Variants in PAICS observed in about 807,000 individuals in gnomAD.
PAICS encodes the protein phosphoribosylaminoimidazole carboxylase and phosphoribosylaminoimidazolesuccinocarboxamide synthase.
A neutral mutation model predicts 53.7 loss-of-function variants in PAICS; 33 were observed. That is an observed-to-expected ratio of 0.61 (90% CI 0.47 to 0.82). The LOEUF is 0.82. Among genes scored for constraint, PAICS ranks in the 40% least tolerant of loss-of-function variants. The probability of loss-of-function intolerance (pLI) is 0.00; values close to 1 mark genes in which losing one functional copy is unlikely to be tolerated. For synonymous variants in PAICS, 141 were observed against 167.2 expected, an observed-to-expected ratio of 0.84 and a Z score of 1.21; for missense variants, 394 against 494.1, an observed-to-expected ratio of 0.80 and a Z score of 1.92.
Position 56,453,810 on chromosome 4 carries a change from G to A in PAICS, c.1111+49G>A, listed in dbSNP as rs147699486. 2.3e-6 allele frequency: 3 copies of A among 1,313,448 alleles called. No individual in the cohort carries two copies. In the African/African-American group the frequency reaches 4.4e-5, roughly 19 times the overall value. The allele number at this position is 1,313,448 out of a possible 1,614,324, so 81.4% of individuals were successfully genotyped here. On this transcript the variant is annotated intron_variant, in intron 8 of 8. Coordinates refer to ENST00000512576, the MANE Select transcript of PAICS (RefSeq NM_001079524.2). Reference sequence around the variant, plus strand: ...AACTGTTCATTACAAGCATTTAACAGATGCACAACAGTAGACAGAATAGCA... The same window carrying A: ...AACTGTTCATTACAAGCATTTAACAAATGCACAACAGTAGACAGAATAGCA...
At position 56,448,610 on chromosome 4, in the gene PAICS, C is replaced by T. The variant is rs1718741959; in HGVS notation, c.573+13C>T. The T allele has an allele frequency of 6.5e-7, 1 of 1,548,530 alleles. No homozygotes were observed. The highest frequency in any genetic ancestry group is 1.8e-5 in the Admixed American group (1 of 54,814). ...GGTTGATATGAAGGTACAGATAAAA[C>T]AAGTACAGATAAAACAACAGGATTT... On this transcript the variant is annotated intron_variant, in intron 4 of 8. Coordinates refer to ENST00000512576, the MANE Select transcript of PAICS (RefSeq NM_001079524.2).
In PAICS at chr4:56,459,584, A is replaced by G. The variant is rs1363913392; in HGVS notation, c.*46A>G. The G allele has an allele frequency of 7.2e-7, 1 of 1,382,258 alleles. No homozygotes were observed. Among genetic ancestry groups the G allele is most frequent in the South Asian group, 1.4e-5 (1 of 72,224 alleles). The allele number at this position is 1,382,258 out of a possible 1,614,324, so 85.6% of individuals were successfully genotyped here. A position where few individuals can be genotyped will look rare whatever the true frequency, so the allele number is the denominator to read the frequency against. On this transcript the variant is annotated 3_prime_UTR_variant, in exon 9 of 9. Coordinates refer to ENST00000512576, the MANE Select transcript of PAICS (RefSeq NM_001079524.2). ...TTTAGGGGAAAAACTACAAATTTCT[A>G]ATTTAGCTGAAGGAAAATCAAGCAA...
chr4:56,440,162 C>A (rs1038536103), intron 1 of PAICS, among the ~76,000 whole-genome samples: 8 of 152,126 alleles, frequency 5.3e-5, no homozygotes, highest in African/African-American at 1.9e-4. Flanking sequence ...GGGAAGTTTT[C>A]CAGGCCTAGG....
intron 5 of PAICS, among the ~76,000 whole-genome samples, chr4:56,450,379 A>T (rs1029699489): frequency 2.0e-5 from 3 of 152,224 alleles, no homozygotes; most frequent in African/African-American, 7.2e-5. Flanking sequence ...CTTAATATAT[A>T]AAAATTCTCA....
rs745482355 is a variant in PAICS at position 56,453,583 on chromosome 4, T to A, written c.953-20T>A. On this transcript the variant is annotated intron_variant, in intron 7 of 8. Transcript: ENST00000512576. Reference sequence around the variant, plus strand: ...CTGTTTTGAATGTTTAGCATAATTATACTCTTGTCATTTCCCTAGGGGATG... The same window carrying A: ...CTGTTTTGAATGTTTAGCATAATTAAACTCTTGTCATTTCCCTAGGGGATG... 1.2e-5 allele frequency: 18 copies of A among 1,542,948 alleles called. No individual in the cohort carries two copies. The Admixed American group carries it at 3.3e-4, about 28-fold the overall frequency.
intron 1 of PAICS, among the ~76,000 whole-genome samples, chr4:56,437,650 G>A (rs1718086227): frequency 2.0e-5 from 3 of 151,472 alleles, no homozygotes; most frequent in African/African-American, 7.3e-5. Flanking sequence ...GTGAAACCCC[G>A]GCTCTACTAA....
At chr4:56,447,012 T>C in intron 3 of PAICS, 139 bp downstream of exon 3, 2 of 462,294 alleles carry the variant, frequency 4.3e-6, no homozygotes, top group Non-Finnish European at 7.5e-6. Flanking sequence ...ATTTGTCTTA[T>C]CTAGTTGCCA....
intron 1 of PAICS, among the ~76,000 whole-genome samples, chr4:56,441,441 T>A (rs1718333126): frequency 6.6e-6 from 1 of 152,188 alleles, no homozygotes; most frequent in Admixed American, 6.5e-5. Flanking sequence ...TTTACTAATT[T>A]CTACAATTAT....
chr4:56,436,368 C>CA lies in PAICS; in HGVS notation c.16+40_16+41insA, dbSNP rs777277118. ...TCCGGGCCCTTCACGGTCTCCCTGA[C>CA]CCCCAGGCCGTGAGCTCGCGGCCAC... is the stretch of plus-strand genomic sequence containing the variant. On this transcript the variant is annotated intron_variant, in intron 1 of 8. Coordinates refer to ENST00000512576, the MANE Select transcript of PAICS (RefSeq NM_001079524.2). The CA allele has an allele frequency of 8.3e-6, 12 of 1,453,162 alleles. No homozygotes were observed. In the African/African-American group the frequency reaches 1.7e-4, roughly 21 times the overall value. 90.0% of individuals were successfully genotyped at this position (1,453,162 alleles called of 1,614,324 possible).
chr4:56,434,080 C>G (rs905348474), upstream of PAICS, among the ~76,000 whole-genome samples: 1 of 152,114 alleles, frequency 6.6e-6, no homozygotes, highest in African/African-American at 2.4e-5. Flanking sequence ...AACTAATTTT[C>G]TCAATAAACT....
At chr4:56,444,936 C>T (rs1029521789) in intron 2 of PAICS, among the ~76,000 whole-genome samples, 2 of 152,040 alleles carry the variant, frequency 1.3e-5, no homozygotes, top group African/African-American at 4.8e-5. Flanking sequence ...CTCTTGAAAC[C>T]AAGGATGTAG....
At chr4:56,435,458 C>T, upstream of PAICS, 2 of 1,613,814 alleles carry the variant, frequency 1.2e-6, no homozygotes, top group East Asian at 4.5e-5. Flanking sequence ...CTCTCGGATC[C>T]CCAACTCCTC....
At chr4:56,445,244 G>C (rs1578151036) in intron 2 of PAICS, among the ~76,000 whole-genome samples, 1 of 151,908 alleles carries the variant, frequency 6.6e-6, no homozygotes, top group African/African-American at 2.4e-5. Flanking sequence ...ACATGACCTA[G>C]TGTGTGAAAT....
intron 7 of PAICS, 84 bp from the exon 8 acceptor site, chr4:56,453,519 G>A (rs1404884131): frequency 9.5e-6 from 8 of 843,828 alleles, no homozygotes; most frequent in African/African-American, 9.0e-5. Context: ...AAACATATAG[G>A]CCTTAAACCA....
intron 2 of PAICS, among the ~76,000 whole-genome samples, chr4:56,445,847 A>G (rs1039427699): frequency 6.6e-6 from 1 of 152,210 alleles, no homozygotes; most frequent in Non-Finnish European, 1.5e-5. Context: ...GATATTTTAA[A>G]TCATGTTAAT....
At chr4:56,430,769 T>C (rs1191612398), upstream of PAICS, among the ~76,000 whole-genome samples, 1 of 151,388 alleles carries the variant, frequency 6.6e-6, no homozygotes, top group African/African-American at 2.4e-5. Context: ...ATTTGAACAT[T>C]AGACCTTACA....
chr4:56,445,379 C>T lies in PAICS; in HGVS notation c.215-1316C>T, dbSNP rs114597391. 2.2e-3 allele frequency among the ~76,000 whole-genome samples: 341 copies of T among 152,168 alleles called. 3 individuals are homozygous for T. The highest frequency in any genetic ancestry group is 8.0e-3 in the African/African-American group (333 of 41,544). On this transcript the variant is annotated intron_variant, in intron 2 of 8. Coordinates refer to ENST00000512576, the MANE Select transcript of PAICS (RefSeq NM_001079524.2). ...TTGGGAGACTAAGGTGGGCAGATCA[C>T]GAGATCAGGAGTTCCTGACCAACAT...
At chr4:56,425,346 T>C in the PAICS span, 3 of 411,644 alleles carry the variant, frequency 7.3e-6, no homozygotes, top group South Asian at 3.0e-4. Context: ...AACACAATAC[T>C]GAGAACTTTT....
the PAICS span, among the ~76,000 whole-genome samples, chr4:56,429,856 T>C: frequency 2.6e-5 from 4 of 152,360 alleles, no homozygotes; most frequent in Middle Eastern, 3.4e-3. Context: ...TTGGGATTCA[T>C]ACTATATGTA....
Sources: gnomAD v4.1 joint callset for allele counts (sites outside exome capture counted in the v4.1 genomes callset) on GRCh38, gnomAD v4.1.1 for gene constraint, MANE v1.5 for transcripts, NCBI Gene and HGNC (gene_info 2026-07-23, HGNC 2026-07-21) for gene names.